The following CSMD1 variants were observed in gnomAD, a reference collection of about 807,000 sequenced individuals.
The protein encoded by CSMD1 is CUB and sushi domain-containing protein 1.
CSMD1 carries 213 observed loss-of-function variants against 417.5 expected under a neutral mutation model. The observed-to-expected ratio is 0.51, with a 90% CI of 0.46 to 0.57. The LOEUF (loss-of-function observed/expected upper bound fraction) is 0.57. Among genes scored for constraint, CSMD1 ranks in the 20% least tolerant of loss-of-function variants. CSMD1 has a pLI of 0.00. For synonymous variants in CSMD1, 2,862 were observed against 1,736.8 expected (o/e 1.65, Z -16.11); for missense variants, 6,923 against 4,529.7 (o/e 1.53, Z -15.17).
At chr8:4,172,048 C>A (rs1797792268) in intron 3 of CSMD1, among the ~76,000 whole-genome samples, 1 of 152,126 alleles carries the variant, frequency 6.6e-6, no homozygotes, top group African/African-American at 2.4e-5. Context: ...AAACACAATG[C>A]ACGATGCTTA....
At chr8:3,811,439 G>T (rs551752391) in intron 5 of CSMD1, among the ~76,000 whole-genome samples, 1 of 152,158 alleles carries the variant, frequency 6.6e-6, no homozygotes, top group African/African-American at 2.4e-5. Context: ...CTTACTGGGA[G>T]TGGGCATGGA....
intron 26 of CSMD1, among the ~76,000 whole-genome samples, chr8:3,251,304 C>T (rs1174313921): frequency 3.9e-5 from 6 of 152,146 alleles, no homozygotes; most frequent in Non-Finnish European, 8.8e-5. Flanking sequence ...TTCCCAGCAC[C>T]ATTTATTAAA....
At chr8:3,891,143 G>T (rs1203723570) in intron 5 of CSMD1, among the ~76,000 whole-genome samples, 1 of 151,746 alleles carries the variant, frequency 6.6e-6, no homozygotes, top group African/African-American at 2.4e-5. Flanking sequence ...CCACCTCTTG[G>T]GCTTAAGTGA....
At chr8:4,100,400 T>C (rs1254276560) in intron 3 of CSMD1, among the ~76,000 whole-genome samples, 1 of 152,188 alleles carries the variant, frequency 6.6e-6, no homozygotes, top group Non-Finnish European at 1.5e-5. Flanking sequence ...CTGTGTCTAG[T>C]CAGCCAACTA....
intron 7 of CSMD1, among the ~76,000 whole-genome samples, chr8:3,707,593 G>A (rs988878914): frequency 1.3e-5 from 2 of 152,204 alleles, no homozygotes; most frequent in Admixed American, 6.5e-5. Flanking sequence ...CAAACCCTCA[G>A]TGAAGCTGGT....
chr8:4,279,856 G>C (rs953698093), intron 3 of CSMD1, among the ~76,000 whole-genome samples: 16 of 152,202 alleles, frequency 1.1e-4, no homozygotes, highest in South Asian at 2.1e-4. Context: ...CTCACTGTCA[G>C]TAAAAATGAA....
At chr8:3,226,419 C>G (rs546948811) in intron 27 of CSMD1, among the ~76,000 whole-genome samples, 147 of 151,988 alleles carry the variant, frequency 9.7e-4, no homozygotes, top group African/African-American at 3.3e-3. Context: ...CTAGTCTCTA[C>G]TAAAAATACA....
intron 48 of CSMD1, among the ~76,000 whole-genome samples, chr8:3,089,366 C>T (rs1180967639): frequency 2.0e-5 from 3 of 152,242 alleles, no homozygotes; most frequent in Admixed American, 6.5e-5. Context: ...ATGAAAAGGA[C>T]ATTGTTAATT....
intron 5 of CSMD1, among the ~76,000 whole-genome samples, chr8:3,808,023 C>T (rs1022562594): frequency 2.6e-5 from 4 of 152,156 alleles, no homozygotes; most frequent in African/African-American, 9.7e-5. Context: ...CATTCTTGAG[C>T]TCTATTTTTA....
chr8:3,895,745 T>A (rs1285002041), intron 5 of CSMD1, among the ~76,000 whole-genome samples: 2 of 152,246 alleles, frequency 1.3e-5, no homozygotes, highest in African/African-American at 2.4e-5. Flanking sequence ...TATTTATTCA[T>A]TCCTAATTCA....
intron 1 of CSMD1, among the ~76,000 whole-genome samples, chr8:4,808,363 A>G (rs79792162): frequency 0.013 from 2,036 of 152,272 alleles, 40 homozygotes; most frequent in African/African-American, 0.046. Context: ...TTGGTAGGGC[A>G]CTATCTAGAT....
intron 6 of CSMD1, among the ~76,000 whole-genome samples, chr8:3,730,011 G>C (rs2466280): frequency 6.9e-6 from 1 of 144,418 alleles, no homozygotes; most frequent in Admixed American, 6.9e-5. Flanking sequence ...GTTCAGAGGA[G>C]AAAAATCTTT....
intron 4 of CSMD1, among the ~76,000 whole-genome samples, chr8:4,028,297 C>G (rs903028541): frequency 8.6e-5 from 13 of 152,008 alleles, no homozygotes; most frequent in African/African-American, 1.5e-4. Context: ...TACCTGAAGT[C>G]CAGATTCCCC....
intron 21 of CSMD1, among the ~76,000 whole-genome samples, chr8:3,357,333 A>T (rs1416289656): frequency 1.3e-5 from 2 of 152,170 alleles, no homozygotes; most frequent in East Asian, 3.9e-4. Context: ...CAAAGTTTGT[A>T]GAGTCTTTTT....
chr8:3,264,641 C>G (rs757428000), intron 26 of CSMD1, among the ~76,000 whole-genome samples: 1 of 152,096 alleles, frequency 6.6e-6, no homozygotes, highest in Non-Finnish European at 1.5e-5. Context: ...GTGTTTCTTT[C>G]TTCTAAGGGA....
At position 3,009,479 on chromosome 8, in the gene CSMD1, A is replaced by G. The variant is rs111569525; in HGVS notation, c.8029+8998T>C. Among the ~76,000 whole-genome samples, 1,158 of 152,296 alleles carry G rather than the reference A, an allele frequency of 7.6e-3. 13 individuals are homozygous for G. Among genetic ancestry groups the G allele is most frequent in the African/African-American group, 0.026 (1,091 of 41,540 alleles). ...ATTTGGGCAGTAGATTCCAAAGCCAATTTGCAAACTTTTCTTCAGTATTAA... is the reference window on the plus strand; with the variant it reads ...ATTTGGGCAGTAGATTCCAAAGCCAGTTTGCAAACTTTTCTTCAGTATTAA... On this transcript the variant is annotated intron_variant, in intron 52 of 69. Coordinates refer to ENST00000635120, the MANE Select transcript of CSMD1 (RefSeq NM_033225.6).
intron 3 of CSMD1, among the ~76,000 whole-genome samples, chr8:4,097,948 G>A (rs1055583303): frequency 6.6e-6 from 1 of 152,154 alleles, no homozygotes; most frequent in African/African-American, 2.4e-5. Context: ...ATTTCTGTTT[G>A]ATCATGGTAT....
At chr8:4,010,599 A>G (rs894414018) in intron 4 of CSMD1, among the ~76,000 whole-genome samples, 2 of 151,994 alleles carry the variant, frequency 1.3e-5, no homozygotes, top group Non-Finnish European at 2.9e-5. Context: ...CTACATTCTG[A>G]GCCCAACTCT....
chr8:4,054,058 T>A (rs1034624394), intron 3 of CSMD1, among the ~76,000 whole-genome samples: 1 of 152,152 alleles, frequency 6.6e-6, no homozygotes, highest in African/African-American at 2.4e-5. Context: ...GAGAGCCAAA[T>A]GCTACTCCTA....
Sources: allele counts gnomAD v4.1 joint callset (sites outside exome capture counted in the v4.1 genomes callset), GRCh38; gene constraint gnomAD v4.1.1; transcripts MANE v1.5; gene names NCBI Gene and HGNC (gene_info 2026-07-23, HGNC 2026-07-21).